Variants in PCDHGB3 observed in about 807,000 individuals in gnomAD.
PCDHGB3 encodes protocadherin gamma-B3.
A neutral mutation model predicts 59.2 loss-of-function variants in PCDHGB3; 40 were observed. The ratio of observed to expected loss-of-function variants is 0.68; its 90% CI spans 0.52 to 0.88. The LOEUF is 0.88. Among genes scored for constraint, PCDHGB3 ranks in the 40% least tolerant of loss-of-function variants. The pLI is 0.00. For missense variants in PCDHGB3, 1,309 were observed against 1,187.9 expected (o/e 1.10, Z -1.50); for synonymous variants, 581 against 503.6 (o/e 1.15, Z -2.06).
At chr5:141,393,857 C>A (rs753457502) in intron 1 of PCDHGB3, 3 of 1,613,860 alleles carry the variant, frequency 1.9e-6, no homozygotes, top group Non-Finnish European at 2.5e-6. Flanking sequence ...CAGAAGTGAT[C>A]ATTACGTCTT....
Position 141,476,351 on chromosome 5 carries a change from G to C in PCDHGB3, c.2416-18456G>C. On this transcript the variant is annotated intron_variant, in intron 1 of 3. Transcript: ENST00000576222. This position sits in a 1 kb window ranked among gnomAD's most constrained non-coding sequence, Gnocchi z 7.6. ...TGGAGCTAGCCGAAGATTCTTTGAG[G>C]TGAACCGGGAGACCGGAGAGATGTT... 3 of 1,614,182 alleles carry C rather than the reference G, an allele frequency of 1.9e-6. No homozygotes were observed. Among genetic ancestry groups the C allele is most frequent in the Non-Finnish European group, 2.5e-6 (3 of 1,180,046 alleles).
rs773840884 is a variant in PCDHGB3 at position 141,372,185 on chromosome 5, C to A, written c.1791C>A (p.Asp597Glu). 4 of 1,613,630 alleles carry A rather than the reference C, an allele frequency of 2.5e-6. No individual in the cohort carries two copies. The South Asian group carries it at 4.4e-5, about 18-fold the overall frequency. The stretch of plus-strand genomic sequence containing the variant: ...CCAAGGTGGTGGCGGTGGACGCAGA[C>A]TCGGGATACAACGCCTGGCTGTCCT... ...LVTKVVAVDA[D>E]SGYNAWLSYH... The change falls in exon 1 of 4, where the codon GAC (aspartate) becomes GAA (glutamate). Residue 597 changes from aspartate to glutamate, a missense_variant. By Grantham distance (45) the Asp-to-Glu change is conservative. Transcript: ENST00000576222.
chr5:141,374,657 C>T, intron 1 of PCDHGB3: 1 of 1,612,018 alleles, frequency 6.2e-7, no homozygotes, highest in Non-Finnish European at 8.5e-7. Context: ...GCCCAAGTAC[C>T]CGGAGCTGGT....
At chr5:141,417,772 C>A (rs2240701) in intron 1 of PCDHGB3, 340,590 of 1,455,726 alleles carry the variant, frequency 0.23, 43,476 homozygotes, top group African/African-American at 0.5. Flanking sequence ...GGGACTCCTC[C>A]TGTCCTGGGC....
rs1362252002 is a variant in PCDHGB3, at chr5:141,486,112, G to C, written c.2416-8695G>C. ...TGGGGCCCCTAGACTTTGAGAGTGA[G>C]AATTACTATGAATTTGATGTGCGGG... On this transcript the variant is annotated intron_variant, in intron 1 of 3. Coordinates refer to ENST00000576222, the MANE Select transcript of PCDHGB3 (RefSeq NM_018924.5). The surrounding 1 kb of genome is among the most constrained non-coding windows in gnomAD (Gnocchi z 5.0). 6 of 1,614,166 alleles carry C rather than the reference G, an allele frequency of 3.7e-6. No individual in the cohort carries two copies. The highest frequency in any genetic ancestry group is 1.7e-6 in the Non-Finnish European group (2 of 1,180,024).
At chr5:141,387,274 AT>A (rs2090884370) in intron 1 of PCDHGB3, among the ~76,000 whole-genome samples, 1 of 152,244 alleles carries the variant, frequency 6.6e-6, no homozygotes, top group South Asian at 2.1e-4. Context: ...GTTAGGAACA[AT>A]GAAAGAAAGA....
At chr5:141,430,404 A>T (rs1054341813) in intron 1 of PCDHGB3, among the ~76,000 whole-genome samples, 2 of 152,000 alleles carry the variant, frequency 1.3e-5, no homozygotes, top group African/African-American at 4.8e-5. Flanking sequence ...AAAGCTCACT[A>T]AAGTTTCTAT....
Position 141,370,495 on chromosome 5 carries a change from G to A in PCDHGB3, c.101G>A (p.Arg34His), listed in dbSNP as rs1766967329. ...LLDQALSEPI[R>H]YAIPEELDRG... The stretch of plus-strand genomic sequence containing the variant: ...GACCAGGCTCTCTCCGAACCGATCC[G>A]CTACGCTATTCCCGAGGAGCTGGAC... Residue 34 changes from arginine (R) to histidine (H), a missense_variant, in exon 1 of 4, where the codon CGC becomes CAC. By Grantham distance (29) the Arg-to-His change is conservative. Transcript: ENST00000576222. The A allele has an allele frequency of 3.1e-6, 5 of 1,613,782 alleles. No individual in the cohort carries two copies. Among genetic ancestry groups the A allele is most frequent in the African/African-American group, 1.3e-5 (1 of 74,914 alleles).
At chr5:141,408,301 C>G in intron 1 of PCDHGB3, 1 of 1,613,756 alleles carries the variant, frequency 6.2e-7, no homozygotes, top group Non-Finnish European at 8.5e-7. Context: ...GTGAGCCGAT[C>G]CGCTACTCGA....
Position 141,490,931 on chromosome 5 carries a change from T to C in PCDHGB3, c.2416-3876T>C. 1 of 1,613,780 alleles carries C rather than the reference T, an allele frequency of 6.2e-7. No individual in the cohort carries two copies. Among genetic ancestry groups the C allele is most frequent in the East Asian group, 2.2e-5 (1 of 44,872 alleles). ...GACGAGAATGATAATGCCCCAGCTG[T>C]GCTGCACCCACGGCCAGACTGGGAA... On this transcript the variant is annotated intron_variant, in intron 1 of 3. Transcript: ENST00000576222. This position sits in a 1 kb window ranked among gnomAD's most constrained non-coding sequence, Gnocchi z 5.4.
rs949391796 is a variant in PCDHGB3 at position 141,493,050 on chromosome 5, A to G, written c.2416-1757A>G. 6.6e-6 allele frequency among the ~76,000 whole-genome samples: 1 copy of G among 152,262 alleles called. No homozygotes were observed. The highest frequency in any genetic ancestry group is 2.4e-5 in the African/African-American group (1 of 41,464). On this transcript the variant is annotated intron_variant, in intron 1 of 3. Coordinates refer to ENST00000576222, the MANE Select transcript of PCDHGB3 (RefSeq NM_018924.5). The surrounding 1 kb of genome is among the most constrained non-coding windows in gnomAD (Gnocchi z 4.3). Reference sequence around the variant, plus strand: ...CCCTTATGTGTGAGGAAACTACAATAGTAAAAAACACAAGTTTCTCCAACT... The same window carrying G: ...CCCTTATGTGTGAGGAAACTACAATGGTAAAAAACACAAGTTTCTCCAACT...
chr5:141,408,555 A>G, intron 1 of PCDHGB3: 1 of 1,614,052 alleles, frequency 6.2e-7, no homozygotes, highest in South Asian at 1.1e-5. Flanking sequence ...AATATTTTTC[A>G]TGTCATTGTG....
rs1298454674 is a variant in PCDHGB3, at chr5:141,438,625, TATATATATATAC to T, written c.2416-56180_2416-56169del. 7.7e-3 allele frequency among the ~76,000 whole-genome samples: 357 copies of T among 46,390 alleles called. 5 individuals are homozygous for T. The East Asian group carries it at 0.082, about 11-fold the overall frequency. 30.4% of individuals were successfully genotyped at this position (46,390 alleles called of 152,430 possible). A position where few individuals can be genotyped will look rare whatever the true frequency, so the allele number is the denominator to read the frequency against. On this transcript the variant is annotated intron_variant, in intron 1 of 3. Transcript: ENST00000576222. ...ATATATATATATATATATATATATATATATATATATACACACACACACACACATATATGTATA... is the reference window on the plus strand; with the variant it reads ...ATATATATATATATATATATATATATACACACACACACACATATATGTATA...
At position 141,491,291 on chromosome 5, in the gene PCDHGB3, C is replaced by G; in HGVS notation, c.2416-3516C>G. On this transcript the variant is annotated intron_variant, in intron 1 of 3. Coordinates refer to ENST00000576222, the MANE Select transcript of PCDHGB3 (RefSeq NM_018924.5). The surrounding 1 kb of genome is among the most constrained non-coding windows in gnomAD (Gnocchi z 6.9). ...AAATCCAGTGACTTCCTCATACACCCTCCTGAGCGTTCAGACCTTACCCTT... is the reference window on the plus strand; with the variant it reads ...AAATCCAGTGACTTCCTCATACACCGTCCTGAGCGTTCAGACCTTACCCTT... 2 of 1,614,152 alleles carry G rather than the reference C, an allele frequency of 1.2e-6. No homozygotes were observed. The highest frequency in any genetic ancestry group is 1.7e-6 in the Non-Finnish European group (2 of 1,179,974).
At position 141,370,916 on chromosome 5, in the gene PCDHGB3, T is replaced by G; in HGVS notation, c.522T>G (p.Pro174=). 6.2e-7 allele frequency: 1 copy of G among 1,614,016 alleles called. No individual in the cohort carries two copies. Among genetic ancestry groups the G allele is most frequent in the Non-Finnish European group, 8.5e-7 (1 of 1,179,878 alleles). Residue 174 remains proline, a synonymous_variant, in exon 1 of 4, where the codon CCT becomes CCG. Coordinates refer to ENST00000576222, the MANE Select transcript of PCDHGB3 (RefSeq NM_018924.5). The part of the protein sequence containing the change: ...VNSLQQYYLS[P]DPHFSLIQKE... The stretch of plus-strand genomic sequence containing the variant: ...CGCTGCAGCAGTACTACCTCAGCCC[T>G]GATCCGCACTTCTCTTTGATTCAGA...
rs73280340 is a variant in PCDHGB3, at chr5:141,473,067, G to A, written c.2416-21740G>A. On this transcript the variant is annotated intron_variant, in intron 1 of 3. Transcript: ENST00000576222. ...GAAAGAAGTGATACAACAAGTTACA[G>A]CATCTTTGTTTATTATCCACTGTGA... Among the ~76,000 whole-genome samples the A allele has an allele frequency of 5.6e-3, 854 of 152,054 alleles. 5 individuals are homozygous for A. The highest frequency in any genetic ancestry group is 0.019 in the African/African-American group (798 of 41,456).
chr5:141,483,916 A>C (rs1377841777), intron 1 of PCDHGB3, among the ~76,000 whole-genome samples: 1 of 144,996 alleles, frequency 6.9e-6, no homozygotes, highest in African/African-American at 2.5e-5. Flanking sequence ...TCCCACTCAG[A>C]TTGCAGGTCG....
chr5:141,502,450 C>T (rs184669731), intron 2 of PCDHGB3, among the ~76,000 whole-genome samples: 3 of 152,010 alleles, frequency 2.0e-5, no homozygotes, highest in Admixed American at 1.3e-4. Context: ...AGATTACACA[C>T]CTTGGTAGGA....
At chr5:141,418,031 G>A (rs760396058) in intron 1 of PCDHGB3, 1 of 1,614,022 alleles carries the variant, frequency 6.2e-7, no homozygotes, top group Non-Finnish European at 8.5e-7. Context: ...AGGGCTTAGT[G>A]TCCTGGATGT....
Sources: allele counts gnomAD v4.1 joint callset (sites outside exome capture counted in the v4.1 genomes callset), GRCh38; gene constraint gnomAD v4.1.1; non-coding constraint Gnocchi (gnomAD v3.1); transcripts MANE v1.5; gene names NCBI Gene and HGNC (gene_info 2026-07-23, HGNC 2026-07-21).